Variants in PRKACB observed in about 807,000 individuals in gnomAD.
PRKACB encodes the protein protein kinase cAMP-activated catalytic subunit beta, also known as cAMP-dependent protein kinase catalytic subunit beta.
Under a neutral mutation model 51.4 loss-of-function variants are expected in PRKACB, and 16 were observed. The observed-to-expected ratio is 0.31, with a 90% confidence interval of 0.21 to 0.47. PRKACB has a LOEUF of 0.47. Ranked by LOEUF, PRKACB falls within the 20% of genes least tolerant of loss-of-function variation. PRKACB has a pLI of 1.00. For missense variants in PRKACB, 309 were observed against 464.5 expected (o/e 0.67, Z 3.08); for synonymous variants, 147 against 154.4 (o/e 0.95, Z 0.35).
chr1:84,079,704 C>T (rs947842131), intron 1 of PRKACB, among the ~76,000 whole-genome samples: 4 of 152,124 alleles, frequency 2.6e-5, no homozygotes, highest in African/African-American at 9.7e-5. Context: ...TCGTTCTTGT[C>T]GCCCAGGCTG....
intron 9 of PRKACB, among the ~76,000 whole-genome samples, chr1:84,223,830 T>A (rs76759071): frequency 6.6e-6 from 1 of 152,200 alleles, no homozygotes; most frequent in Non-Finnish European, 1.5e-5. Flanking sequence ...CATCATTTTT[T>A]GTTTAATTGG....
At chr1:84,111,677 GTT>G (rs1395989826) in intron 1 of PRKACB, among the ~76,000 whole-genome samples, 32 of 151,620 alleles carry the variant, frequency 2.1e-4, no homozygotes, top group African/African-American at 7.5e-4. Context: ...CGTGACACAA[GTT>G]TACCTATATT....
chr1:84,160,325 A>G (rs1378536275), intron 1 of PRKACB, among the ~76,000 whole-genome samples: 5 of 151,780 alleles, frequency 3.3e-5, no homozygotes, highest in South Asian at 2.1e-4. Context: ...GTTGTCTTAT[A>G]TGATTGGGAT....
In PRKACB at chr1:84,237,173, C is replaced by T. The variant is rs1243662294; in HGVS notation, c.*1868C>T. 6.6e-6 allele frequency: 1 copy of T among 152,596 alleles called. No individual in the cohort carries two copies. Among genetic ancestry groups the T allele is most frequent in the African/African-American group, 2.4e-5 (1 of 41,454 alleles). 9.5% of individuals were successfully genotyped at this position (152,596 alleles called of 1,614,324 possible). ...CAAGAAAAAAATAAAATACTCTGCT[C>T]TAGCAAGTTTTGTGTAACAAAGGCA... On this transcript the variant is annotated 3_prime_UTR_variant, in exon 10 of 10. Coordinates refer to ENST00000370685, the MANE Select transcript of PRKACB (RefSeq NM_182948.4).
chr1:84,154,027 T>C (rs1166079728), intron 1 of PRKACB, among the ~76,000 whole-genome samples: 2 of 152,140 alleles, frequency 1.3e-5, no homozygotes, highest in Admixed American at 1.3e-4. Context: ...TCTTAACCAG[T>C]GCTTGTTATC....
At chr1:84,123,863 G>T (rs1191120341) in intron 1 of PRKACB, among the ~76,000 whole-genome samples, 1 of 151,864 alleles carries the variant, frequency 6.6e-6, no homozygotes, top group Non-Finnish European at 1.5e-5. Context: ...TAATATAAAT[G>T]GATTCCAAAA....
chr1:84,101,561 A>G (rs776746637), intron 1 of PRKACB, among the ~76,000 whole-genome samples: 24 of 152,132 alleles, frequency 1.6e-4, no homozygotes, highest in Non-Finnish European at 2.9e-4. Flanking sequence ...TTTATTACTC[A>G]TTCTTATCAC....
intron 1 of PRKACB, among the ~76,000 whole-genome samples, chr1:84,124,549 G>T (rs1482222561): frequency 6.6e-6 from 1 of 152,156 alleles, no homozygotes; most frequent in African/African-American, 2.4e-5. Context: ...CTGGACATTT[G>T]TAATGTTGCT....
chr1:84,118,331 G>C (rs1019969806), intron 1 of PRKACB, among the ~76,000 whole-genome samples: 6 of 151,990 alleles, frequency 3.9e-5, no homozygotes, highest in Non-Finnish European at 8.8e-5. Flanking sequence ...TCATAATTGT[G>C]GTTCTTCTTT....
chr1:84,107,103 T>A (rs1220630195), intron 1 of PRKACB, among the ~76,000 whole-genome samples: 2 of 152,112 alleles, frequency 1.3e-5, no homozygotes, highest in Non-Finnish European at 2.9e-5. Context: ...TTTACCTATA[T>A]AACAAACCTA....
intron 1 of PRKACB, among the ~76,000 whole-genome samples, chr1:84,090,272 A>C (rs568241683): frequency 6.6e-4 from 101 of 152,348 alleles, no homozygotes; most frequent in African/African-American, 2.3e-3. Flanking sequence ...GCTATCAGAC[A>C]GGAACCCCTT....
intron 1 of PRKACB, among the ~76,000 whole-genome samples, chr1:84,127,902 C>T (rs932950365): frequency 6.6e-6 from 1 of 151,708 alleles, no homozygotes; most frequent in Non-Finnish European, 1.5e-5. Context: ...TTAAAGTAAG[C>T]CAATTTGCCA....
At position 84,092,495 on chromosome 1, in the gene PRKACB, T is replaced by A. The variant is rs557841264; in HGVS notation, c.46+14124T>A. Among the ~76,000 whole-genome samples, 5 of 152,306 alleles carry A rather than the reference T, an allele frequency of 3.3e-5. No individual in the cohort carries two copies. The East Asian group carries it at 9.6e-4, about 29-fold the overall frequency. Reference sequence around the variant, plus strand: ...ACACTTGTACATGATTTTTGGTAAATATATGTATGTTTTGGTGAATATGTA... The same window carrying A: ...ACACTTGTACATGATTTTTGGTAAAAATATGTATGTTTTGGTGAATATGTA... On this transcript the variant is annotated intron_variant, in intron 1 of 8. Transcript: ENST00000370688.
chr1:84,171,801 AT>A (rs1417920370), intron 1 of PRKACB, among the ~76,000 whole-genome samples: 2 of 151,636 alleles, frequency 1.3e-5, no homozygotes, highest in African/African-American at 4.8e-5. Flanking sequence ...TGATTTCAGA[AT>A]TGATAACAGA....
chr1:84,121,376 G>A lies in PRKACB; in HGVS notation c.46+43005G>A, dbSNP rs113987807. On this transcript the variant is annotated intron_variant, in intron 1 of 8. Coordinates refer to the PRKACB transcript ENST00000370688. ...GGAGGTACTCCTCATATACATTCAT[G>A]TATTATACATATATATTCATATACA... Among the ~76,000 whole-genome samples, 629 of 151,864 alleles carry A rather than the reference G, an allele frequency of 4.1e-3. 4 individuals are homozygous for A. The highest frequency in any genetic ancestry group is 0.014 in the African/African-American group (596 of 41,446).
chr1:84,148,947 A>G (rs1165263365), intron 1 of PRKACB, among the ~76,000 whole-genome samples: 8 of 152,198 alleles, frequency 5.3e-5, no homozygotes, highest in Non-Finnish European at 1.0e-4. Flanking sequence ...GTCCCTGTCC[A>G]GCATTATTAG....
chr1:84,165,225 T>C (rs1657004740), intron 1 of PRKACB, among the ~76,000 whole-genome samples: 1 of 151,804 alleles, frequency 6.6e-6, no homozygotes, highest in African/African-American at 2.4e-5. Flanking sequence ...TCAATACCAA[T>C]AATCAGTTTC....
intron 5 of PRKACB, among the ~76,000 whole-genome samples, chr1:84,189,616 T>C (rs74095511): frequency 0.015 from 2,323 of 151,996 alleles, 61 homozygotes; most frequent in African/African-American, 0.053. Context: ...TTCTGAAATA[T>C]AAATTTCAAA....
intron 5 of PRKACB, among the ~76,000 whole-genome samples, chr1:84,187,822 G>T (rs924355376): frequency 2.6e-5 from 4 of 152,050 alleles, no homozygotes; most frequent in Non-Finnish European, 5.9e-5. Flanking sequence ...CAAGGAAGCC[G>T]AACCAAGGCA....
Sources: allele counts gnomAD v4.1 joint callset (sites outside exome capture counted in the v4.1 genomes callset), GRCh38; gene constraint gnomAD v4.1.1; transcripts MANE v1.5; gene names NCBI Gene and HGNC (gene_info 2026-07-23, HGNC 2026-07-21).